SAMTOR: variants seen among roughly 807,000 people sequenced by gnomAD.
The protein encoded by SAMTOR is UPF0532 protein C7orf60.
chr7:112,883,710 T>C, the SAMTOR span, among the ~76,000 whole-genome samples: 1 of 152,374 alleles, frequency 6.6e-6, no homozygotes, highest in East Asian at 1.9e-4. Flanking sequence ...TCATAGATTT[T>C]GGAAAGTATG....
At chr7:112,915,411 TCA>T in the SAMTOR span, 3 of 1,613,030 alleles carry the variant, frequency 1.9e-6, no homozygotes, top group Non-Finnish European at 2.5e-6. Context: ...TTCTTCATCC[TCA>T]CAGTGTTCTC....
At chr7:112,875,246 C>T in the SAMTOR span, among the ~76,000 whole-genome samples, 1 of 152,148 alleles carries the variant, frequency 6.6e-6, no homozygotes, top group African/African-American at 2.4e-5. Flanking sequence ...TTCCCTTGAT[C>T]TTTAGTTGTG....
the SAMTOR span, among the ~76,000 whole-genome samples, chr7:112,827,663 T>A: frequency 6.6e-6 from 1 of 152,198 alleles, no homozygotes; most frequent in Non-Finnish European, 1.5e-5. Flanking sequence ...ACTTATAATA[T>A]GTAATGCAAT....
the SAMTOR span, chr7:112,819,608 C>G: frequency 6.6e-6 from 1 of 152,452 alleles, no homozygotes; most frequent in South Asian, 2.1e-4. Context: ...GATATAAATT[C>G]AAACAAATTT....
chr7:112,939,846 A>T, the SAMTOR span: 2 of 954,974 alleles, frequency 2.1e-6, no homozygotes, highest in African/African-American at 3.3e-5. Context: ...CGGAGGCAGC[A>T]GCCAGAGGAG....
At chr7:112,881,536 G>A in the SAMTOR span, among the ~76,000 whole-genome samples, 16 of 152,300 alleles carry the variant, frequency 1.1e-4, no homozygotes, top group South Asian at 6.2e-4. Flanking sequence ...TACCAGCTGC[G>A]GTAAGGAGCT....
the SAMTOR span, among the ~76,000 whole-genome samples, chr7:112,861,046 T>C: frequency 6.6e-6 from 1 of 151,894 alleles, no homozygotes; most frequent in Non-Finnish European, 1.5e-5. Flanking sequence ...TAAAAAAGGC[T>C]AACGTAAATA....
the SAMTOR span, among the ~76,000 whole-genome samples, chr7:112,914,015 G>A: frequency 2.0e-5 from 3 of 152,186 alleles, no homozygotes; most frequent in South Asian, 6.2e-4. Context: ...TGTACTCCTA[G>A]TGCCTATAAT....
At chr7:112,915,769 A>T in the SAMTOR span, among the ~76,000 whole-genome samples, 2 of 152,376 alleles carry the variant, frequency 1.3e-5, no homozygotes, top group South Asian at 4.1e-4. Context: ...TACTGTATAT[A>T]TGAGTTATCA....
At chr7:112,821,734 T>C in the SAMTOR span, 1 of 1,570,158 alleles carries the variant, frequency 6.4e-7, no homozygotes, top group Non-Finnish European at 8.6e-7. Context: ...AGGGGCTTTT[T>C]GCTTCTATAT....
the SAMTOR span, among the ~76,000 whole-genome samples, chr7:112,853,297 A>G: frequency 6.6e-6 from 1 of 152,114 alleles, no homozygotes; most frequent in Non-Finnish European, 1.5e-5. Flanking sequence ...GGTATATATA[A>G]TGATGTATAT....
chr7:112,925,151 CAGA>C, the SAMTOR span, among the ~76,000 whole-genome samples: 7 of 152,166 alleles, frequency 4.6e-5, no homozygotes, highest in Non-Finnish European at 1.0e-4. Flanking sequence ...AATAGAACTT[CAGA>C]AAGTGAGGCG....
At chr7:112,908,255 T>C in the SAMTOR span, among the ~76,000 whole-genome samples, 9 of 152,182 alleles carry the variant, frequency 5.9e-5, no homozygotes, top group African/African-American at 2.2e-4. Flanking sequence ...ATTCAGTCAG[T>C]TGATGCCTGA....
chr7:112,821,921 T>A, the SAMTOR span: 14 of 1,613,078 alleles, frequency 8.7e-6, no homozygotes, highest in African/African-American at 1.9e-4. Context: ...CCTCATCTTC[T>A]ATACTGTTGA....
chr7:112,840,443 G>A, the SAMTOR span, among the ~76,000 whole-genome samples: 2 of 151,726 alleles, frequency 1.3e-5, no homozygotes, highest in African/African-American at 4.8e-5. Flanking sequence ...GATAGCTTTA[G>A]AATTTCTTTT....
chr7:112,825,183 G>A, the SAMTOR span, among the ~76,000 whole-genome samples: 36 of 151,890 alleles, frequency 2.4e-4, no homozygotes, highest in Non-Finnish European at 4.3e-4. Flanking sequence ...CACCACATCT[G>A]GCTAATTTTT....
the SAMTOR span, among the ~76,000 whole-genome samples, chr7:112,906,155 T>C: frequency 6.6e-6 from 1 of 152,210 alleles, no homozygotes; most frequent in African/African-American, 2.4e-5. Context: ...ATCATTAAGG[T>C]GACTTCATTA....
chr7:112,877,271 C>T, the SAMTOR span, among the ~76,000 whole-genome samples: 15 of 152,202 alleles, frequency 9.9e-5, no homozygotes, highest in Middle Eastern at 3.4e-3. Flanking sequence ...TGTGTTCTAA[C>T]AGGAAAGACA....
the SAMTOR span, among the ~76,000 whole-genome samples, chr7:112,917,776 A>C: frequency 6.6e-6 from 1 of 152,352 alleles, no homozygotes; most frequent in African/African-American, 2.4e-5. Context: ...GCTGAAAGCC[A>C]AGGCTCGAGA....
Sources: allele counts gnomAD v4.1 joint callset (sites outside exome capture counted in the v4.1 genomes callset), GRCh38; gene constraint gnomAD v4.1.1; transcripts MANE v1.5; gene names NCBI Gene and HGNC (gene_info 2026-07-23, HGNC 2026-07-21).